AMOTL1: variants seen among roughly 807,000 people sequenced by gnomAD.
AMOTL1 encodes angiomotin-like protein 1.
AMOTL1 carries 45 observed loss-of-function variants against 102.9 expected under a neutral mutation model. The ratio of observed to expected loss-of-function variants is 0.44; its 90% CI spans 0.34 to 0.56. The LOEUF (loss-of-function observed/expected upper bound fraction) is 0.56, where lower values mean the gene tolerates loss of function less well. Among genes scored for constraint, AMOTL1 ranks in the 20% least tolerant of loss-of-function variants. The probability of loss-of-function intolerance (pLI) is 0.01; values close to 1 mark genes in which losing one functional copy is unlikely to be tolerated. For synonymous variants in AMOTL1, 481 were observed against 484.7 expected (o/e 0.99, Z 0.10); for missense variants, 1,114 against 1,225.6 (o/e 0.91, Z 1.36).
intron 1 of AMOTL1, among the ~76,000 whole-genome samples, chr11:94,787,173 C>G (rs1951203497): frequency 6.6e-6 from 1 of 151,978 alleles, no homozygotes; most frequent in African/African-American, 2.4e-5. Context: ...AGATGACTCC[C>G]TGGAGGAAGT....
Position 94,796,911 on chromosome 11 carries a change from T to C in AMOTL1, c.199+1751T>C, listed in dbSNP as rs2135565469. Reference sequence around the variant, plus strand: ...ATGTATTAATATACATATATGTATATATCTTGTATATAAGCATATCACACC... The same window carrying C: ...ATGTATTAATATACATATATGTATACATCTTGTATATAAGCATATCACACC... On this transcript the variant is annotated intron_variant, in intron 2 of 12. Transcript: ENST00000433060. 3 of 676,662 alleles carry C rather than the reference T, an allele frequency of 4.4e-6. No individual in the cohort carries two copies. In the East Asian group the frequency reaches 4.1e-4, roughly 92 times the overall value. 41.9% of individuals were successfully genotyped at this position (676,662 alleles called of 1,614,324 possible). A position where few individuals can be genotyped will look rare whatever the true frequency, so the allele number is the denominator to read the frequency against.
chr11:94,721,984 C>T (rs1487352631), intron 1 of AMOTL1, among the ~76,000 whole-genome samples: 4 of 152,056 alleles, frequency 2.6e-5, no homozygotes, highest in African/African-American at 9.7e-5. Context: ...TTATCTTATT[C>T]GGGCTCTTTG....
intron 1 of AMOTL1, among the ~76,000 whole-genome samples, chr11:94,789,308 G>A (rs112370657): frequency 4.6e-5 from 7 of 152,134 alleles, no homozygotes; most frequent in Admixed American, 3.3e-4. Flanking sequence ...ACAGGTGCCC[G>A]CCACCATGCC....
intron 3 of AMOTL1, chr11:94,741,051 G>A: frequency 8.0e-7 from 1 of 1,246,060 alleles, no homozygotes; most frequent in Admixed American, 2.3e-5. Context: ...CTGCGAGTTT[G>A]GGGGGCGTCC....
At chr11:94,840,551 A>G (rs1010087018) in intron 6 of AMOTL1, among the ~76,000 whole-genome samples, 3 of 151,590 alleles carry the variant, frequency 2.0e-5, no homozygotes, top group Admixed American at 2.0e-4. Context: ...TAGCATAAAC[A>G]ACTTTTTCCG....
rs1470616870 is a variant in AMOTL1, at chr11:94,768,440, C to A, written c.-72C>A. On this transcript the variant is annotated 5_prime_UTR_variant, in exon 1 of 13. Coordinates refer to ENST00000433060, the MANE Select transcript of AMOTL1 (RefSeq NM_130847.3). ...CCCTGTGTGAATGGGGTTGATTGTCCGGCGCCACTTCCCCGCGCTGCCCGG... is the reference window on the plus strand; with the variant it reads ...CCCTGTGTGAATGGGGTTGATTGTCAGGCGCCACTTCCCCGCGCTGCCCGG... The A allele has an allele frequency of 1.9e-6, 3 of 1,546,276 alleles. No individual in the cohort carries two copies. The highest frequency in any genetic ancestry group is 2.7e-5 in the African/African-American group (2 of 73,024).
chr11:94,766,934 C>T (rs141034715), upstream of AMOTL1, among the ~76,000 whole-genome samples: 353 of 152,262 alleles, frequency 2.3e-3, 2 homozygotes, highest in African/African-American at 8.3e-3. Flanking sequence ...TCCTCTATGC[C>T]TTCTTCCCAA....
At chr11:94,736,911 G>A (rs2135469328) in intron 2 of AMOTL1, among the ~76,000 whole-genome samples, 1 of 152,328 alleles carries the variant, frequency 6.6e-6, no homozygotes, top group East Asian at 1.9e-4. Context: ...AGCGCTGGAA[G>A]CATGGTAAAT....
intron 7 of AMOTL1, among the ~76,000 whole-genome samples, chr11:94,852,513 T>C (rs1325249279): frequency 2.0e-5 from 3 of 152,234 alleles, no homozygotes; most frequent in African/African-American, 7.2e-5. Flanking sequence ...CTAAGCCTGA[T>C]TTTTGGCACT....
Position 94,785,816 on chromosome 11 carries a change from G to T in AMOTL1, c.50-9195G>T, listed in dbSNP as rs1020714032. Among the ~76,000 whole-genome samples, 17 of 152,266 alleles carry T rather than the reference G, an allele frequency of 1.1e-4. 2 individuals carry two copies. In the South Asian group the frequency reaches 2.7e-3, roughly 24 times the overall value. On this transcript the variant is annotated intron_variant, in intron 1 of 12. Transcript: ENST00000433060. The stretch of plus-strand genomic sequence containing the variant: ...GAGCTTTGCAGAGCATAATTATACA[G>T]ACATATTGTCATTTCATGTCTGGAG...
At chr11:94,855,380 G>A (rs1026634923) in intron 8 of AMOTL1, among the ~76,000 whole-genome samples, 1 of 152,198 alleles carries the variant, frequency 6.6e-6, no homozygotes, top group Admixed American at 6.5e-5. Flanking sequence ...TCTGTCTGTG[G>A]ACTTCTAATA....
chr11:94,723,192 G>C (rs980268193), intron 1 of AMOTL1, among the ~76,000 whole-genome samples: 3 of 152,126 alleles, frequency 2.0e-5, no homozygotes, highest in African/African-American at 7.2e-5. Context: ...GGGAACGGAA[G>C]GGTGAACAAG....
At chr11:94,764,220 T>C (rs191219315), upstream of AMOTL1, among the ~76,000 whole-genome samples, 16 of 152,302 alleles carry the variant, frequency 1.1e-4, no homozygotes, top group African/African-American at 2.6e-4. Flanking sequence ...TACACTCTGA[T>C]GTAGTAAATA....
intron 2 of AMOTL1, among the ~76,000 whole-genome samples, chr11:94,735,851 T>G (rs1413377408): frequency 1.3e-5 from 2 of 152,174 alleles, no homozygotes; most frequent in Non-Finnish European, 2.9e-5. Context: ...AAACACATTT[T>G]ATTTGTTTAT....
At chr11:94,806,672 A>G (rs1435138005) in intron 3 of AMOTL1, among the ~76,000 whole-genome samples, 1 of 152,256 alleles carries the variant, frequency 6.6e-6, no homozygotes, top group Non-Finnish European at 1.5e-5. Context: ...ACGGCTCTGC[A>G]GCATGGGTAT....
chr11:94,840,707 C>CACAT lies in AMOTL1; in HGVS notation c.1648+9167_1648+9168insCATA, dbSNP rs1952284867. Among the ~76,000 whole-genome samples the CACAT allele has an allele frequency of 2.4e-5, 3 of 124,936 alleles. No individual in the cohort carries two copies. In the South Asian group the frequency reaches 7.6e-4, roughly 32 times the overall value. 82.0% of individuals were successfully genotyped at this position (124,936 alleles called of 152,430 possible). A position where few individuals can be genotyped will look rare whatever the true frequency, so the allele number is the denominator to read the frequency against. ...ACACACACACACACACACACACACA[C>CACAT]ATATATATATACATATATATGTACA... On this transcript the variant is annotated intron_variant, in intron 6 of 12. Transcript: ENST00000433060.
chr11:94,813,501 C>T lies in AMOTL1; in HGVS notation c.1122-8029C>T, dbSNP rs183534530. On this transcript the variant is annotated intron_variant, in intron 3 of 12. Transcript: ENST00000433060. ...ATTCTTTATTCCATAAGTGACTTCA[C>T]CTTGCAACCATCCGCAGTTTTCAGA... 4.6e-5 allele frequency among the ~76,000 whole-genome samples: 7 copies of T among 152,320 alleles called. No homozygotes were observed. The East Asian group carries it at 1.3e-3, about 29-fold the overall frequency.
intron 1 of AMOTL1, among the ~76,000 whole-genome samples, chr11:94,770,055 A>G (rs1950922866): frequency 6.6e-6 from 1 of 152,068 alleles, no homozygotes; most frequent in Non-Finnish European, 1.5e-5. Flanking sequence ...ATATTAAACA[A>G]TCATGGCTCC....
chr11:94,720,589 A>G (rs974258820), intron 1 of AMOTL1, among the ~76,000 whole-genome samples: 1 of 152,094 alleles, frequency 6.6e-6, no homozygotes, highest in Non-Finnish European at 1.5e-5. Context: ...AAATCTGAGA[A>G]GTGGCTGGAA....
Sources: gnomAD v4.1 joint callset for allele counts (sites outside exome capture counted in the v4.1 genomes callset) on GRCh38, gnomAD v4.1.1 for gene constraint, MANE v1.5 for transcripts, NCBI Gene and HGNC (gene_info 2026-07-23, HGNC 2026-07-21) for gene names.